Variants in FANCA observed in about 807,000 individuals in gnomAD.
The protein encoded by FANCA is FA complementation group A.
FANCA carries 236 observed loss-of-function variants against 194.3 expected under a neutral mutation model. The observed-to-expected ratio is 1.21, with a 90% CI of 1.09 to 1.35. FANCA has a LOEUF of 1.35. Among genes scored for constraint, FANCA ranks in the 40% most tolerant of loss-of-function variants. FANCA has a pLI of 0.00. For missense variants in FANCA, 2,628 were observed against 1,813.9 expected, an observed-to-expected ratio of 1.45 and a Z score of -8.15; for synonymous variants, 1,014 against 715.8, an observed-to-expected ratio of 1.42 and a Z score of -6.65.
intron 14 of FANCA, among the ~76,000 whole-genome samples, chr16:89,788,155 A>G (rs1300091443): frequency 6.6e-6 from 1 of 152,136 alleles, no homozygotes; most frequent in African/African-American, 2.4e-5. Context: ...TTTGCCCTCA[A>G]AAGTAAAAAT....
In FANCA at chr16:89,805,306, G is replaced by C. The variant is rs1354884515; in HGVS notation, c.683C>G (p.Ala228Gly). 1 of 1,613,774 alleles carries C rather than the reference G, an allele frequency of 6.2e-7. No homozygotes were observed. Among genetic ancestry groups the C allele is most frequent in the Non-Finnish European group, 8.5e-7 (1 of 1,179,868 alleles). Residue 228 changes from alanine (A) to glycine (G), a missense_variant, in exon 7 of 43, where the codon GCT (alanine) becomes GGT (glycine). Physicochemically the swap from Ala to Gly is moderately conservative, Grantham distance 60. Coordinates refer to ENST00000389301, the MANE Select transcript of FANCA (RefSeq NM_000135.4). Reference protein sequence around the residue: ...CEQMEASCQHADVARAMLSDF... With the variant: ...CEQMEASCQHGDVARAMLSDF... ...AGAAAGCATGGCCCTGGCGACGTCA[G>C]CATGCTGGCAGGATGCTTCCATCTG...
rs1470258609 is a variant in FANCA at position 89,771,668 on chromosome 16, CT to C, written c.2151+9del. 2.5e-6 allele frequency: 4 copies of C among 1,614,098 alleles called. No individual in the cohort carries two copies. Reference sequence around the variant, plus strand: ...AGACCCCCTGCTTTGTTCTGAGCCCCTACACCTACCATGTGTTCCCGTGGCT... The same window carrying C: ...AGACCCCCTGCTTTGTTCTGAGCCCCACACCTACCATGTGTTCCCGTGGCT... On this transcript the variant is annotated intron_variant, in intron 23 of 42. Coordinates refer to ENST00000389301, the MANE Select transcript of FANCA (RefSeq NM_000135.4).
chr16:89,780,146 A>G (rs1022969159), intron 17 of FANCA, among the ~76,000 whole-genome samples, 189 bp from the exon 18 acceptor site: 7 of 152,188 alleles, frequency 4.6e-5, no homozygotes, highest in African/African-American at 1.7e-4. Flanking sequence ...TACCAGCACG[A>G]CAGGGGAGGA....
intron 3 of FANCA, among the ~76,000 whole-genome samples, chr16:89,813,361 T>G (rs564174718): frequency 6.6e-6 from 1 of 151,462 alleles, no homozygotes; most frequent in Non-Finnish European, 1.5e-5. Context: ...TGAGCCGTGA[T>G]TGCACCACGG....
intron 35 of FANCA, among the ~76,000 whole-genome samples, chr16:89,746,266 C>T (rs1489413148): frequency 1.3e-5 from 2 of 152,184 alleles, no homozygotes; most frequent in African/African-American, 4.8e-5. Flanking sequence ...AGTGCACAAC[C>T]CAAGACCGTG....
intron 14 of FANCA, among the ~76,000 whole-genome samples, chr16:89,790,219 T>G (rs1438335976): frequency 2.0e-5 from 3 of 151,046 alleles, no homozygotes; most frequent in African/African-American, 4.9e-5. Context: ...CTGACCAACA[T>G]GATGAAACCC....
intron 8 of FANCA, 140 bp from the exon 9 acceptor site, chr16:89,799,778 G>C (rs899540874): frequency 2.1e-5 from 15 of 719,782 alleles, no homozygotes; most frequent in South Asian, 1.3e-4. Flanking sequence ...CGGATCACGA[G>C]GTCAGGAGAT....
Position 89,744,989 on chromosome 16 carries a change from T to C in FANCA, c.3596A>G (p.Lys1199Arg). ...CQSPLPRELQ[K>R]LQEGRQFASD... ...GGCAAACTGCCGGCCTTCTTGTAGC[T>C]TCTGCAGTTCCCGGGGCAGCGGGCT... Residue 1199 changes from lysine (K) to arginine (R), a missense_variant, in exon 36 of 43, where the codon AAG becomes AGG. Coordinates refer to ENST00000389301, the MANE Select transcript of FANCA (RefSeq NM_000135.4). 1 of 1,611,834 alleles carries C rather than the reference T, an allele frequency of 6.2e-7. No homozygotes were observed. Among genetic ancestry groups the C allele is most frequent in the East Asian group, 2.2e-5 (1 of 44,880 alleles).
intron 10 of FANCA, chr16:89,798,688 A>G: frequency 7.8e-7 from 1 of 1,288,022 alleles, no homozygotes; most frequent in Non-Finnish European, 9.9e-7. Context: ...CCATGGAGAG[A>G]AAAAGCTAAT....
chr16:89,784,421 TAAAA>T (rs59766959), intron 15 of FANCA, among the ~76,000 whole-genome samples: 13 of 118,304 alleles, frequency 1.1e-4, no homozygotes, highest in Non-Finnish European at 2.3e-4. Flanking sequence ...CACATGAAAT[TAAAA>T]AAAAAAAAAA....
rs1382693371 is a variant in FANCA, at chr16:89,810,942, G to T, written c.413C>A (p.Thr138Asn). 1 of 1,614,140 alleles carries T rather than the reference G, an allele frequency of 6.2e-7. No homozygotes were observed. The highest frequency in any genetic ancestry group is 2.2e-5 in the East Asian group (1 of 44,892). The stretch of plus-strand genomic sequence containing the variant: ...CTGGTGTCTTACTCTCTGCTCCACA[G>T]TCAGCAGCACAGGGTGACTGGTCTC... ...PAETSHPVLLTVEQRKKLSSL... is the reference protein window; with the variant it reads ...PAETSHPVLLNVEQRKKLSSL... Residue 138 changes from threonine (T) to asparagine (N), a missense_variant, in exon 4 of 43, where the codon ACT (threonine) becomes AAT (asparagine). By Grantham distance (65) the Thr-to-Asn change is moderately conservative. Coordinates refer to ENST00000389301, the MANE Select transcript of FANCA (RefSeq NM_000135.4).
rs757468756 is a variant in FANCA, at chr16:89,816,593, T to C, written c.23A>G (p.Asn8Ser). Residue 8 changes from asparagine (N) to serine (S), a missense_variant, in exon 1 of 43, where the codon AAC becomes AGC. Asn to Ser is a conservative substitution (Grantham distance 46, BLOSUM62 1). Coordinates refer to ENST00000389301, the MANE Select transcript of FANCA (RefSeq NM_000135.4). ...CCCTGGGTCCTGGCCCGAGGCGGAGTTCGGGACCCACGAGTCGGACATGGC... is the reference window on the plus strand; with the variant it reads ...CCCTGGGTCCTGGCCCGAGGCGGAGCTCGGGACCCACGAGTCGGACATGGC... MSDSWVP[N>S]SASGQDPGGR... 52 of 1,526,774 alleles carry C rather than the reference T, an allele frequency of 3.4e-5. 1 individual carries two copies. Among genetic ancestry groups the C allele is most frequent in the Non-Finnish European group, 4.0e-5 (46 of 1,145,198 alleles). The allele number at this position is 1,526,774 out of a possible 1,614,324, so 94.6% of individuals were successfully genotyped here. A position where few individuals can be genotyped will look rare whatever the true frequency, so the allele number is the denominator to read the frequency against.
intron 20 of FANCA, among the ~76,000 whole-genome samples, chr16:89,777,879 C>G (rs1452474576): frequency 1.3e-5 from 2 of 150,258 alleles, no homozygotes; most frequent in African/African-American, 4.9e-5. Flanking sequence ...AAGAATGATG[C>G]AGCCGGGTGC....
At position 89,770,153 on chromosome 16, in the gene FANCA, A is replaced by G. The variant is rs2143335460; in HGVS notation, c.2316+13T>C. 2 of 1,581,254 alleles carry G rather than the reference A, an allele frequency of 1.3e-6. No homozygotes were observed. Among genetic ancestry groups the G allele is most frequent in the Non-Finnish European group, 1.7e-6 (2 of 1,163,920 alleles). ...GGGCCCCCAAGGGTGGCCCCCATGA[A>G]GGAGAGCCTCACCTGGTGACGGAGC... On this transcript the variant is annotated intron_variant, in intron 25 of 42. Coordinates refer to ENST00000389301, the MANE Select transcript of FANCA (RefSeq NM_000135.4).
rs2039157272 is a variant in FANCA at position 89,767,155 on chromosome 16, C to T, written c.2587G>A (p.Gly863Ser). The T allele has an allele frequency of 1.2e-5, 19 of 1,612,234 alleles. No homozygotes were observed. Among genetic ancestry groups the T allele is most frequent in the Non-Finnish European group, 1.6e-5 (19 of 1,178,296 alleles). Residue 863 changes from glycine (G) to serine (S), a missense_variant, in exon 27 of 43, where the codon GGC (glycine) becomes AGC (serine). Coordinates refer to ENST00000389301, the MANE Select transcript of FANCA (RefSeq NM_000135.4). ...AGTGAACCTACCTTTTTAATAAGGCCTGGAGATAAGCAGCTGCACAAAGTA... is the reference window on the plus strand; with the variant it reads ...AGTGAACCTACCTTTTTAATAAGGCTTGGAGATAAGCAGCTGCACAAAGTA... ...RDTLCSCLSP[G>S]LIKKFQFLMF...
chr16:89,757,062 T>C (rs1288487159), intron 30 of FANCA, among the ~76,000 whole-genome samples: 16 of 152,190 alleles, frequency 1.1e-4, no homozygotes, highest in Admixed American at 1.0e-3. Flanking sequence ...CATTGCAACC[T>C]CTGCCTCCCC....
intron 11 of FANCA, among the ~76,000 whole-genome samples, chr16:89,795,211 G>C (rs1227155082): frequency 6.6e-6 from 1 of 151,622 alleles, no homozygotes; most frequent in Non-Finnish European, 1.5e-5. Context: ...TTTGAACCCG[G>C]GAGGTGGAGG....
chr16:89,768,547 T>A (rs2039208461), intron 26 of FANCA, among the ~76,000 whole-genome samples: 1 of 151,956 alleles, frequency 6.6e-6, no homozygotes, highest in Non-Finnish European at 1.5e-5. Flanking sequence ...TCTCAGCTAC[T>A]CAGGAAGCTG....
chr16:89,762,779 C>T, intron 28 of FANCA: 1 of 451,816 alleles, frequency 2.2e-6, no homozygotes, highest in Non-Finnish European at 4.4e-6. Flanking sequence ...TGCAGGTGCA[C>T]ATCACCATGA....
Sources: gnomAD v4.1 joint callset for allele counts (sites outside exome capture counted in the v4.1 genomes callset) on GRCh38, gnomAD v4.1.1 for gene constraint, MANE v1.5 for transcripts, NCBI Gene and HGNC (gene_info 2026-07-23, HGNC 2026-07-21) for gene names.